KLHL5: variants seen among roughly 807,000 people sequenced by gnomAD.
KLHL5 encodes kelch like family member 5.
A neutral mutation model predicts 77.7 loss-of-function variants in KLHL5; 48 were observed. That is an observed-to-expected ratio of 0.62 (90% CI 0.49 to 0.79). The LOEUF is 0.79. Ranked by LOEUF, KLHL5 falls within the 30% of genes least tolerant of loss-of-function variation. The pLI is 0.00. For synonymous variants in KLHL5, 260 were observed against 297.0 expected, an observed-to-expected ratio of 0.88 and a Z score of 1.28; for missense variants, 723 against 859.7, an observed-to-expected ratio of 0.84 and a Z score of 1.99.
the KLHL5 span, chr4:39,134,145 G>A: frequency 6.6e-6 from 1 of 152,182 alleles, no homozygotes. Flanking sequence ...ACATGTCAGG[G>A]CCACCCTGAG....
downstream of KLHL5, among the ~76,000 whole-genome samples, chr4:39,129,325 A>C (rs1197685381): frequency 6.6e-6 from 1 of 151,836 alleles, no homozygotes; most frequent in African/African-American, 2.4e-5. The surrounding 1 kb of genome is among the most constrained non-coding windows in gnomAD (Gnocchi z 4.2). Flanking sequence ...CTCCTGCCTC[A>C]GCCTCCTGAA....
At chr4:39,119,189 C>G (rs1329471569) in intron 10 of KLHL5, among the ~76,000 whole-genome samples, 1 of 152,184 alleles carries the variant, frequency 6.6e-6, no homozygotes, top group Admixed American at 6.5e-5. Context: ...CACCCCATAT[C>G]AAAATTGATC....
rs1414062468 is a variant in KLHL5, at chr4:39,081,836, T to G, written c.704-127T>G. On this transcript the variant is annotated intron_variant, in intron 3 of 10. Transcript: ENST00000504108. This position sits in a 1 kb window ranked among gnomAD's most constrained non-coding sequence, Gnocchi z 4.3. ...TCCTTCTTTTCTTTTTGGGATGTCT[T>G]AAACCATGTAGGTCTGTAATGCATG... The G allele has an allele frequency of 1.6e-6, 1 of 607,886 alleles. No individual in the cohort carries two copies. The highest frequency in any genetic ancestry group is 3.6e-5 in the South Asian group (1 of 27,522). The allele number at this position is 607,886 out of a possible 1,614,324, so 37.7% of individuals were successfully genotyped here.
At chr4:39,059,846 C>T (rs1207032928), upstream of KLHL5, among the ~76,000 whole-genome samples, 2 of 152,092 alleles carry the variant, frequency 1.3e-5, no homozygotes, top group East Asian at 3.9e-4. Context: ...CTGTAGTGAG[C>T]CAAGATCACA....
chr4:39,133,912 C>G, the KLHL5 span: 1 of 152,124 alleles, frequency 6.6e-6, no homozygotes. Context: ...TTTTTCTTGA[C>G]ATTTACAGAA....
intron 5 of KLHL5, among the ~76,000 whole-genome samples, chr4:39,087,340 T>G (rs1310494652): frequency 6.6e-6 from 1 of 152,088 alleles, no homozygotes; most frequent in Non-Finnish European, 1.5e-5. Flanking sequence ...AACCAGAAAA[T>G]TTAGATTAAT....
intron 1 of KLHL5, among the ~76,000 whole-genome samples, chr4:39,051,025 G>T (rs555841824): frequency 1.4e-4 from 21 of 152,266 alleles, no homozygotes; most frequent in Admixed American, 1.1e-3. Context: ...TTCTCCTCAT[G>T]GGTAATAATG....
rs1469406673 is a variant in KLHL5, at chr4:39,053,203, C to A, written c.-95+8107C>A. On this transcript the variant is annotated intron_variant, in intron 1 of 11. Transcript: ENST00000261425. ...ACTGCCCATTACTACCCTTTCCCTA[C>A]CTGACTTATGCTGTTCTAACAAAAA... Among the ~76,000 whole-genome samples, 3 of 152,256 alleles carry A rather than the reference C, an allele frequency of 2.0e-5. No homozygotes were observed. The East Asian group carries it at 5.8e-4, about 29-fold the overall frequency.
intron 2 of KLHL5, among the ~76,000 whole-genome samples, chr4:39,079,651 A>T (rs1033308013): frequency 2.6e-5 from 4 of 151,826 alleles, no homozygotes; most frequent in Non-Finnish European, 5.9e-5. Context: ...TCCCCTTAGC[A>T]CTTATCACCT....
At chr4:39,118,620 G>T (rs953497667) in intron 10 of KLHL5, among the ~76,000 whole-genome samples, 2 of 152,144 alleles carry the variant, frequency 1.3e-5, no homozygotes, top group Non-Finnish European at 2.9e-5. Context: ...GCTGGGCGTG[G>T]TGGCGTGCAC....
intron 1 of KLHL5, among the ~76,000 whole-genome samples, chr4:39,073,834 T>A (rs2566136): frequency 0.24 from 36,451 of 149,066 alleles, 4,558 homozygotes; most frequent in South Asian, 0.36. Context: ...TTTTATTTTT[T>A]TTTTTGTATT....
rs962567083 is a variant in KLHL5, at chr4:39,124,302, A to G, written c.*3236A>G. On this transcript the variant is annotated 3_prime_UTR_variant, in exon 11 of 11. Transcript: ENST00000504108. ...CAGTGACCCTTTTACAGAAACTGAA[A>G]AGCTGACCCTAGAATTTATATGGGA... is the stretch of plus-strand genomic sequence containing the variant. Among the ~76,000 whole-genome samples, 3 of 152,168 alleles carry G rather than the reference A, an allele frequency of 2.0e-5. No homozygotes were observed. The highest frequency in any genetic ancestry group is 6.5e-5 in the Admixed American group (1 of 15,268).
chr4:39,052,822 G>GGCCTAAATTTATTTGTCCTAATTTA (rs1455678000), intron 1 of KLHL5, among the ~76,000 whole-genome samples: 3 of 152,196 alleles, frequency 2.0e-5, no homozygotes. Context: ...GCCTGAATCA[G>GGCCTAAATTTATTTGTCCTAATTTA]TTTGTCCTAA....
intron 1 of KLHL5, chr4:39,045,152 C>A: frequency 1.0e-6 from 1 of 984,234 alleles, no homozygotes; most frequent in Non-Finnish European, 1.2e-6. Flanking sequence ...GCAGGGCCCG[C>A]TTCCCGCCCC....
Position 39,082,048 on chromosome 4 carries a change from C to CT in KLHL5, c.790dup (p.Cys264LeufsTer2), listed in dbSNP as rs780806309. On this transcript the variant is annotated frameshift_variant, in exon 4 of 11. Coordinates refer to ENST00000504108, the MANE Select transcript of KLHL5 (RefSeq NM_015990.5). LOFTEE classifies it high-confidence loss of function. The stretch of plus-strand genomic sequence containing the variant: ...AGCTTTCACAGGTTGTAGAAGCATG[C>CT]TGTAAGTTTTTAATGAAACAGCTTC... 13 of 1,613,878 alleles carry CT rather than the reference C, an allele frequency of 8.1e-6. No individual in the cohort carries two copies. Among genetic ancestry groups the CT allele is most frequent in the Non-Finnish European group, 1.1e-5 (13 of 1,179,932 alleles).
rs1723446544 is a variant in KLHL5, at chr4:39,124,981, C to A, written c.*3915C>A. 6.6e-6 allele frequency among the ~76,000 whole-genome samples: 1 copy of A among 151,924 alleles called. No homozygotes were observed. The highest frequency in any genetic ancestry group is 1.5e-5 in the Non-Finnish European group (1 of 67,976). On this transcript the variant is annotated 3_prime_UTR_variant, in exon 11 of 11. Transcript: ENST00000504108. ...ACTCCGATGCTCGACAACAAAAAGA[C>A]AAACCAATTTTAAAATGGGCAAAGG...
the KLHL5 span, among the ~76,000 whole-genome samples, chr4:39,142,991 G>C: frequency 1.3e-5 from 2 of 152,034 alleles, no homozygotes; most frequent in Non-Finnish European, 2.9e-5. Flanking sequence ...CTTGATTGTG[G>C]TGGTGGTTAT....
chr4:39,121,878 T>C lies in KLHL5; in HGVS notation c.*812T>C, dbSNP rs1351128197. 6.6e-6 allele frequency: 1 copy of C among 152,666 alleles called. No homozygotes were observed. The highest frequency in any genetic ancestry group is 2.4e-5 in the African/African-American group (1 of 41,470). The allele number at this position is 152,666 out of a possible 1,614,324, so 9.5% of individuals were successfully genotyped here. ...TATTTAATTATATGGATTTGTTTTA[T>C]ATTATAAAAGATGTTTTGATTTTGT... On this transcript the variant is annotated 3_prime_UTR_variant, in exon 11 of 11. Coordinates refer to ENST00000504108, the MANE Select transcript of KLHL5 (RefSeq NM_015990.5).
chr4:39,105,199 TG>T (rs1279201255), intron 7 of KLHL5, among the ~76,000 whole-genome samples: 3 of 151,444 alleles, frequency 2.0e-5, no homozygotes, highest in African/African-American at 7.3e-5. Context: ...TAGGCTGGAA[TG>T]CAGTGGTATG....
Sources: allele counts gnomAD v4.1 joint callset (sites outside exome capture counted in the v4.1 genomes callset), GRCh38; gene constraint gnomAD v4.1.1; non-coding constraint Gnocchi (gnomAD v3.1); transcripts MANE v1.5; gene names NCBI Gene and HGNC (gene_info 2026-07-23, HGNC 2026-07-21).